Variants in ATOSA observed in about 807,000 individuals in gnomAD.
ATOSA encodes the protein atos homolog A, also known as atos homolog protein A.
the ATOSA span, chr15:52,587,423 G>GA: frequency 4.3e-6 from 2 of 462,292 alleles, no homozygotes; most frequent in Non-Finnish European, 7.7e-6. Context: ...TCGCTATAAA[G>GA]AATATATAAC....
chr15:52,608,915 G>C, the ATOSA span: 1 of 1,606,828 alleles, frequency 6.2e-7, no homozygotes, highest in Non-Finnish European at 8.5e-7. Flanking sequence ...AAGAATTTTG[G>C]ATTATAGTTC....
the ATOSA span, among the ~76,000 whole-genome samples, chr15:52,659,044 AT>A: frequency 6.6e-6 from 1 of 152,152 alleles, no homozygotes; most frequent in Non-Finnish European, 1.5e-5. Flanking sequence ...TGTACGGGCC[AT>A]CTGATACTCT....
chr15:52,686,585 A>G, the ATOSA span, among the ~76,000 whole-genome samples: 1 of 152,228 alleles, frequency 6.6e-6, no homozygotes, highest in Non-Finnish European at 1.5e-5. Context: ...GCATGATAAA[A>G]CAACTTGTAG....
the ATOSA span, chr15:52,610,223 T>C: frequency 6.2e-7 from 1 of 1,614,008 alleles, no homozygotes; most frequent in Non-Finnish European, 8.5e-7. Context: ...CCAATATTAG[T>C]GTGAATACTG....
chr15:52,679,966 G>C, the ATOSA span, among the ~76,000 whole-genome samples: 5 of 151,728 alleles, frequency 3.3e-5, no homozygotes, highest in East Asian at 9.7e-4. Flanking sequence ...GAGAATTTAA[G>C]AACAGGAAGC....
At chr15:52,608,752 T>C in the ATOSA span, 3 of 1,609,042 alleles carry the variant, frequency 1.9e-6, no homozygotes, top group African/African-American at 4.0e-5. Flanking sequence ...CTCTATGCTA[T>C]TAAGTTGAGT....
At chr15:52,633,358 T>G in the ATOSA span, among the ~76,000 whole-genome samples, 5 of 152,324 alleles carry the variant, frequency 3.3e-5, no homozygotes, top group Admixed American at 3.3e-4. Context: ...ATAAAAGAAC[T>G]GTTTTCAGAC....
At chr15:52,629,628 C>A in the ATOSA span, 2 of 407,668 alleles carry the variant, frequency 4.9e-6, no homozygotes, top group East Asian at 1.0e-4. Context: ...ATGGTGAAAT[C>A]CTGTCTCTAC....
At chr15:52,692,146 G>A in the ATOSA span, among the ~76,000 whole-genome samples, 12 of 152,196 alleles carry the variant, frequency 7.9e-5, no homozygotes, top group Non-Finnish European at 1.0e-4. Context: ...AAATATTAGC[G>A]CAGAATCCAG....
At chr15:52,609,307 T>C in the ATOSA span, 23 of 1,613,918 alleles carry the variant, frequency 1.4e-5, no homozygotes, top group Non-Finnish European at 1.9e-5. Flanking sequence ...TGAGGACTCA[T>C]CCTTATTTTT....
the ATOSA span, among the ~76,000 whole-genome samples, chr15:52,614,384 G>A: frequency 1.3e-5 from 2 of 151,838 alleles, no homozygotes; most frequent in Non-Finnish European, 2.9e-5. Flanking sequence ...GGGATTACAG[G>A]CATGAGCCAC....
chr15:52,645,968 C>T, the ATOSA span, among the ~76,000 whole-genome samples: 1 of 152,112 alleles, frequency 6.6e-6, no homozygotes, highest in Non-Finnish European at 1.5e-5. Context: ...CTGTTTTTTT[C>T]CCCCAGCTTC....
At chr15:52,627,100 T>C in the ATOSA span, among the ~76,000 whole-genome samples, 1 of 152,174 alleles carries the variant, frequency 6.6e-6, no homozygotes, top group African/African-American at 2.4e-5. Context: ...AGTTGTGTTT[T>C]CTCAATGTCA....
the ATOSA span, among the ~76,000 whole-genome samples, chr15:52,702,447 G>A: frequency 2.0e-5 from 3 of 152,010 alleles, no homozygotes; most frequent in East Asian, 1.9e-4. Context: ...ACAAAATCAC[G>A]TCCTTTGCAG....
the ATOSA span, among the ~76,000 whole-genome samples, chr15:52,625,048 G>T: frequency 2.0e-5 from 3 of 152,122 alleles, no homozygotes; most frequent in South Asian, 4.2e-4. Flanking sequence ...CAAAGTGCTC[G>T]AATTACAGGT....
chr15:52,649,879 A>G, the ATOSA span: 2 of 152,304 alleles, frequency 1.3e-5, no homozygotes, highest in East Asian at 3.9e-4. Context: ...AATTCTGCCA[A>G]TAATATTCCT....
At chr15:52,628,857 T>C in the ATOSA span, among the ~76,000 whole-genome samples, 1 of 152,154 alleles carries the variant, frequency 6.6e-6, no homozygotes, top group South Asian at 2.1e-4. Context: ...GAAATTTCCA[T>C]CTATTTTATG....
the ATOSA span, among the ~76,000 whole-genome samples, chr15:52,673,653 G>A: frequency 3.3e-5 from 5 of 152,188 alleles, no homozygotes; most frequent in African/African-American, 4.8e-5. Context: ...GCAAAAGGCC[G>A]CTTTATTTAA....
At chr15:52,625,509 T>C in the ATOSA span, among the ~76,000 whole-genome samples, 1 of 152,148 alleles carries the variant, frequency 6.6e-6, no homozygotes, top group Non-Finnish European at 1.5e-5. Context: ...CACTCTATTA[T>C]GAAAAAAGAC....
Sources: allele counts gnomAD v4.1 joint callset (sites outside exome capture counted in the v4.1 genomes callset), GRCh38; gene constraint gnomAD v4.1.1; transcripts MANE v1.5; gene names NCBI Gene and HGNC (gene_info 2026-07-23, HGNC 2026-07-21).